The following NPAS2 variants were observed in gnomAD, a reference collection of about 807,000 sequenced individuals.
NPAS2 encodes neuronal PAS domain protein 2.
NPAS2 carries 23 observed loss-of-function variants against 107.5 expected under a neutral mutation model. The observed-to-expected ratio is 0.21, with a 90% CI of 0.15 to 0.30. NPAS2 has a LOEUF of 0.30. Among genes scored for constraint, NPAS2 ranks in the 10% least tolerant of loss-of-function variants. The pLI, the probability that NPAS2 is intolerant of heterozygous loss-of-function variation, is 1.00. For missense variants in NPAS2, 756 were observed against 1,043.3 expected, an observed-to-expected ratio of 0.72 and a Z score of 3.79; for synonymous variants, 403 against 417.5, an observed-to-expected ratio of 0.97 and a Z score of 0.42.
At chr2:100,978,109 G>T (rs930771628) in intron 15 of NPAS2, among the ~76,000 whole-genome samples, 1 of 152,026 alleles carries the variant, frequency 6.6e-6, no homozygotes, top group Non-Finnish European at 1.5e-5. Flanking sequence ...CCTGTCACCC[G>T]AGCAGTGTAC....
intron 1 of NPAS2, among the ~76,000 whole-genome samples, chr2:100,831,928 T>C (rs1676766758): frequency 6.6e-6 from 1 of 152,130 alleles, no homozygotes; most frequent in South Asian, 2.1e-4. Flanking sequence ...ATATTCTTTT[T>C]GCCTTCGTTT....
At chr2:100,987,579 G>A (rs143828322) in intron 16 of NPAS2, 1 of 156,388 alleles carries the variant, frequency 6.4e-6, no homozygotes, top group Non-Finnish European at 1.4e-5. Flanking sequence ...ACAGACACGA[G>A]TCACTGGTCA....
chr2:100,963,327 T>G (rs188113991), intron 7 of NPAS2, among the ~76,000 whole-genome samples: 143 of 152,372 alleles, frequency 9.4e-4, no homozygotes, highest in African/African-American at 3.3e-3. Context: ...AGAATTCACC[T>G]TAAAACACTG....
chr2:100,978,248 A>G (rs957521944), intron 15 of NPAS2, among the ~76,000 whole-genome samples: 1 of 152,192 alleles, frequency 6.6e-6, no homozygotes, highest in Non-Finnish European at 1.5e-5. Flanking sequence ...AAGTGAAAAC[A>G]TACGATATTT....
At chr2:100,993,643 A>T (rs1678273822) in intron 20 of NPAS2, 116 bp downstream of exon 20, 1 of 777,900 alleles carries the variant, frequency 1.3e-6, no homozygotes, top group Non-Finnish European at 1.9e-6. Flanking sequence ...TATCCCTAGT[A>T]TAGAAGTAAG....
At chr2:100,826,218 C>T (rs955227156) in intron 1 of NPAS2, among the ~76,000 whole-genome samples, 4 of 152,110 alleles carry the variant, frequency 2.6e-5, no homozygotes, top group Non-Finnish European at 5.9e-5. Context: ...CCGAGGCGGG[C>T]GGATCACGAG....
At chr2:100,994,010 G>A (rs1678297093) in intron 20 of NPAS2, 2 of 153,130 alleles carry the variant, frequency 1.3e-5, no homozygotes, top group African/African-American at 2.4e-5. Flanking sequence ...TTTACATGTG[G>A]TCACTACTTC....
At chr2:100,977,958 C>A (rs1327491588) in intron 15 of NPAS2, among the ~76,000 whole-genome samples, 159 bp downstream of exon 15, 3 of 152,220 alleles carry the variant, frequency 2.0e-5, no homozygotes, top group Admixed American at 1.3e-4. Flanking sequence ...TGAGGTTCCC[C>A]CCACACCCAC....
chr2:100,876,774 G>A (rs1304137454), intron 1 of NPAS2, among the ~76,000 whole-genome samples: 1 of 152,212 alleles, frequency 6.6e-6, no homozygotes, highest in African/African-American at 2.4e-5. Flanking sequence ...AGGTCCCGGA[G>A]CCATGCACAC....
chr2:100,886,052 T>G (rs942430658), intron 1 of NPAS2, among the ~76,000 whole-genome samples: 1 of 152,232 alleles, frequency 6.6e-6, no homozygotes, highest in Non-Finnish European at 1.5e-5. Context: ...AAATCCAAAC[T>G]TCTCCCTATT....
At chr2:100,839,330 T>C (rs1677254575) in intron 1 of NPAS2, among the ~76,000 whole-genome samples, 1 of 152,080 alleles carries the variant, frequency 6.6e-6, no homozygotes, top group African/African-American at 2.4e-5. Flanking sequence ...GGTTTCAGCA[T>C]GTTGGCCAGG....
intron 16 of NPAS2, chr2:100,985,487 TAC>T (rs1211243255): frequency 6.6e-6 from 1 of 152,264 alleles, no homozygotes; most frequent in Non-Finnish European, 1.5e-5. Context: ...ACCTTGCTGT[TAC>T]AGTCTGTTAC....
chr2:100,949,120 C>T (rs1373297991), intron 6 of NPAS2, among the ~76,000 whole-genome samples: 1 of 152,202 alleles, frequency 6.6e-6, no homozygotes. Context: ...TTACCAACCA[C>T]AGACATCTGG....
rs377633542 is a variant in NPAS2 at position 100,878,644 on chromosome 2, G to C, written c.-22-26089G>C. On this transcript the variant is annotated intron_variant, in intron 1 of 20. Coordinates refer to ENST00000335681, the MANE Select transcript of NPAS2 (RefSeq NM_002518.4). ...GCTAACAGAATCAAGGTAACTTTGC[G>C]GTTTTGTTTCAAAAAAAGTTTTCTA... The C allele has an allele frequency of 4.7e-5, 46 of 985,086 alleles. 2 individuals are homozygous for C. In the African/African-American group the frequency reaches 6.6e-4, roughly 14 times the overall value. The allele number at this position is 985,086 out of a possible 1,614,324, so 61.0% of individuals were successfully genotyped here. A position where few individuals can be genotyped will look rare whatever the true frequency, so the allele number is the denominator to read the frequency against.
chr2:100,948,791 C>T (rs1675052621), intron 6 of NPAS2, among the ~76,000 whole-genome samples: 1 of 152,170 alleles, frequency 6.6e-6, no homozygotes, highest in South Asian at 2.1e-4. Flanking sequence ...AGGCTCTCAC[C>T]TGGTTATTTA....
At chr2:100,928,964 T>G (rs1683761893) in intron 3 of NPAS2, among the ~76,000 whole-genome samples, 1 of 152,142 alleles carries the variant, frequency 6.6e-6, no homozygotes, top group African/African-American at 2.4e-5. Flanking sequence ...AGTGCAGTGG[T>G]GCAATTTCAG....
intron 7 of NPAS2, among the ~76,000 whole-genome samples, chr2:100,961,354 GC>G (rs984985858): frequency 6.6e-6 from 1 of 152,146 alleles, no homozygotes. Flanking sequence ...TATCTTCTTT[GC>G]CTTAGTTTTC....
rs1460073896 is a variant in NPAS2, at chr2:100,987,822, T to C, written c.1630-257T>C. The C allele has an allele frequency of 5.7e-6, 3 of 527,348 alleles. No homozygotes were observed. The African/African-American group carries it at 5.7e-5, about 10-fold the overall frequency. The allele number at this position is 527,348 out of a possible 1,614,324, so 32.7% of individuals were successfully genotyped here. A position where few individuals can be genotyped will look rare whatever the true frequency, so the allele number is the denominator to read the frequency against. The stretch of plus-strand genomic sequence containing the variant: ...CATCTGGGTCTAAACAGCTTTCACA[T>C]TGTTAGGCCTCAGTCACTTGCCTGT... On this transcript the variant is annotated intron_variant, in intron 16 of 20. Coordinates refer to ENST00000335681, the MANE Select transcript of NPAS2 (RefSeq NM_002518.4).
chr2:100,976,550 C>CACTGTCACTTTGG lies in NPAS2; in HGVS notation c.1392+984_1392+985insCTGTCACTTTGGA, dbSNP rs1416334540. Among the ~76,000 whole-genome samples, 10 of 152,218 alleles carry CACTGTCACTTTGG rather than the reference C, an allele frequency of 6.6e-5. No homozygotes were observed. The highest frequency in any genetic ancestry group is 6.5e-4 in the Admixed American group (10 of 15,292). On this transcript the variant is annotated intron_variant, in intron 14 of 20. Coordinates refer to ENST00000335681, the MANE Select transcript of NPAS2 (RefSeq NM_002518.4). This position sits in a 1 kb window ranked among gnomAD's most constrained non-coding sequence, Gnocchi z 4.1. ...ACCCAGGAATTTTAGGGGCCACCTC[C>CACTGTCACTTTGG]AGATAGTTGCCAAACCCCTCCCACC...
Sources: allele counts gnomAD v4.1 joint callset (sites outside exome capture counted in the v4.1 genomes callset), GRCh38; gene constraint gnomAD v4.1.1; non-coding constraint Gnocchi (gnomAD v3.1); transcripts MANE v1.5; gene names NCBI Gene and HGNC (gene_info 2026-07-23, HGNC 2026-07-21).